Variants in SPTLC1 observed in about 807,000 individuals in gnomAD.
SPTLC1 encodes the protein serine palmitoyltransferase 1.
In SPTLC1, 55 loss-of-function variants were observed where a neutral mutation model predicts 68.9. That is an observed-to-expected ratio of 0.80 (90% CI 0.64 to 1.00). SPTLC1 has a LOEUF of 1.00. SPTLC1 is among the 50% of genes least tolerant of loss of function. The pLI is 0.00. For missense variants in SPTLC1, 449 were observed against 573.1 expected (o/e 0.78, Z 2.21); for synonymous variants, 197 against 201.6 (o/e 0.98, Z 0.19).
chr9:92,068,394 A>G (rs1348311089), intron 5 of SPTLC1, among the ~76,000 whole-genome samples: 1 of 152,250 alleles, frequency 6.6e-6, no homozygotes, highest in Non-Finnish European at 1.5e-5. Context: ...TTCAAGGCCT[A>G]CCAAGTTTCC....
intron 11 of SPTLC1, among the ~76,000 whole-genome samples, chr9:92,046,521 T>C (rs1030442707): frequency 2.6e-5 from 4 of 152,178 alleles, no homozygotes; most frequent in African/African-American, 9.7e-5. Context: ...GAAGCAAGCA[T>C]ATGAATGAGC....
At chr9:92,043,820 G>A (rs1177123788) in intron 12 of SPTLC1, among the ~76,000 whole-genome samples, 1 of 152,130 alleles carries the variant, frequency 6.6e-6, no homozygotes, top group Non-Finnish European at 1.5e-5. Context: ...TATCAGATAG[G>A]CTGTTTCACT....
At position 92,035,382 on chromosome 9, in the gene SPTLC1, A is replaced by C. The variant is rs1400843564; in HGVS notation, c.1255-499T>G. ...CGATGTCCACATGTGGCATCTGGGC[A>C]TGGTGCCACTGGGCACTGCAGAATC... is the stretch of plus-strand genomic sequence containing the variant. On this transcript the variant is annotated intron_variant, in intron 13 of 14. Transcript: ENST00000262554. 3.9e-5 allele frequency among the ~76,000 whole-genome samples: 6 copies of C among 152,358 alleles called. No homozygotes were observed. The East Asian group carries it at 1.2e-3, about 29-fold the overall frequency.
At chr9:92,053,755 T>G (rs1833789888) in intron 8 of SPTLC1, among the ~76,000 whole-genome samples, 1 of 152,186 alleles carries the variant, frequency 6.6e-6, no homozygotes, top group Non-Finnish European at 1.5e-5. Flanking sequence ...TGCTGGGAGC[T>G]AGAGGGAGAA....
At chr9:92,105,225 T>C (rs2118807753) in intron 3 of SPTLC1, 1 of 1,534,138 alleles carries the variant, frequency 6.5e-7, no homozygotes, top group Non-Finnish European at 8.7e-7. Flanking sequence ...CCCCTGCAAC[T>C]GAGGTGGGAG....
At chr9:92,104,344 A>C (rs1047147409) in intron 3 of SPTLC1, 24 of 1,375,328 alleles carry the variant, frequency 1.7e-5, no homozygotes, top group East Asian at 1.1e-4. Flanking sequence ...TGCCCCGGGA[A>C]TCTGGGGCCG....
Position 92,045,988 on chromosome 9 carries a change from A to G in SPTLC1, c.1136+11T>C, listed in dbSNP as rs1833500785. On this transcript the variant is annotated intron_variant, in intron 12 of 14. Transcript: ENST00000262554. ...TAAACTTTATGTTGGTTGAAAATATATAAAACTCACCCTTGTAAAGCTTTA... is the reference window on the plus strand; with the variant it reads ...TAAACTTTATGTTGGTTGAAAATATGTAAAACTCACCCTTGTAAAGCTTTA... The G allele has an allele frequency of 1.9e-6, 3 of 1,611,336 alleles. No individual in the cohort carries two copies. Among genetic ancestry groups the G allele is most frequent in the Non-Finnish European group, 2.5e-6 (3 of 1,177,842 alleles).
At chr9:92,087,489 G>A (rs1274599773) in intron 3 of SPTLC1, among the ~76,000 whole-genome samples, 1 of 152,230 alleles carries the variant, frequency 6.6e-6, no homozygotes, top group Non-Finnish European at 1.5e-5. Flanking sequence ...CAGGTCTGTT[G>A]GAGTTTGCTA....
At chr9:92,079,811 T>C in intron 5 of SPTLC1, 1 of 657,914 alleles carries the variant, frequency 1.5e-6, no homozygotes, top group South Asian at 1.8e-5. Flanking sequence ...GAGCCCACCA[T>C]GCCCGGCTAA....
chr9:92,065,751 ATT>A (rs1022050419), intron 6 of SPTLC1, among the ~76,000 whole-genome samples: 4 of 152,162 alleles, frequency 2.6e-5, no homozygotes, highest in African/African-American at 9.7e-5. Context: ...TTTTTAAACT[ATT>A]TGCCAAAAAT....
In SPTLC1 at chr9:92,031,975, T is replaced by C. The variant is rs115637483; in HGVS notation, c.*490A>G. 1,261 of 284,266 alleles carry C rather than the reference T, an allele frequency of 4.4e-3. 10 individuals carry two copies. The highest frequency in any genetic ancestry group is 0.025 in the African/African-American group (1,134 of 46,182). 17.6% of individuals were successfully genotyped at this position (284,266 alleles called of 1,614,324 possible). ...GCTTCACACAACGAAGACTGGAAAA[T>C]ACGTGGTTTATTTAGATCTTCAATA... On this transcript the variant is annotated 3_prime_UTR_variant, in exon 15 of 15. Coordinates refer to ENST00000262554, the MANE Select transcript of SPTLC1 (RefSeq NM_006415.4).
intron 13 of SPTLC1, among the ~76,000 whole-genome samples, chr9:92,036,214 C>G (rs1202358785): frequency 6.6e-6 from 1 of 152,226 alleles, no homozygotes; most frequent in Non-Finnish European, 1.5e-5. Context: ...TCACTCAACT[C>G]TCAAGAGGAT....
At chr9:92,061,279 A>AG (rs1834090783) in intron 6 of SPTLC1, among the ~76,000 whole-genome samples, 1 of 152,244 alleles carries the variant, frequency 6.6e-6, no homozygotes, top group African/African-American at 2.4e-5. Flanking sequence ...TTATACATAG[A>AG]GAAAAACAAT....
At position 92,115,301 on chromosome 9, in the gene SPTLC1, G is replaced by C. The variant is rs746480091; in HGVS notation, c.57+13C>G. ...CGGGTGTGGTCGCGGACCGCTAATG[G>C]CGCGGAGCCCACCTCGTAAAGCGCC... On this transcript the variant is annotated intron_variant, in intron 1 of 14. Coordinates refer to ENST00000262554, the MANE Select transcript of SPTLC1 (RefSeq NM_006415.4). The C allele has an allele frequency of 2.0e-5, 33 of 1,611,464 alleles. No homozygotes were observed. The African/African-American group carries it at 4.0e-4, about 20-fold the overall frequency.
At chr9:92,082,876 T>C (rs1235637134) in intron 3 of SPTLC1, among the ~76,000 whole-genome samples, 3 of 151,694 alleles carry the variant, frequency 2.0e-5, no homozygotes, top group African/African-American at 7.3e-5. Flanking sequence ...AGTGTTCCTA[T>C]TTCTCCACAT....
rs1833009857 is a variant in SPTLC1 at position 92,032,667 on chromosome 9, G to A, written c.1329-109C>T. The A allele has an allele frequency of 2.1e-6, 3 of 1,411,744 alleles. No individual in the cohort carries two copies. In the Admixed American group the frequency reaches 5.2e-5, roughly 24 times the overall value. The allele number at this position is 1,411,744 out of a possible 1,614,324, so 87.5% of individuals were successfully genotyped here. On this transcript the variant is annotated intron_variant, in intron 14 of 14. Transcript: ENST00000262554. ...CAAGGCAGGTGGATCACGAGGTCAG[G>A]AGATCGAGACCATCCTGGCTAACAC...
intron 3 of SPTLC1, among the ~76,000 whole-genome samples, chr9:92,099,480 CTTTTT>C (rs201801428): frequency 1.4e-5 from 2 of 141,856 alleles, no homozygotes; most frequent in Non-Finnish European, 3.1e-5. Context: ...TTTTACTGTA[CTTTTT>C]TTTTTTTTTT....
rs765970732 is a variant in SPTLC1 at position 92,055,478 on chromosome 9, C to T, written c.707G>A (p.Arg236His). Residue 236 changes from arginine (R) to histidine (H), a missense_variant, in exon 8 of 15, where the codon CGT (arginine) becomes CAT (histidine). Arg to His is a conservative substitution (Grantham distance 29, BLOSUM62 0). This residue lies in a region of SPTLC1 where 391 missense variants were observed against 472.1 expected (regional missense o/e 0.83). Coordinates refer to ENST00000262554, the MANE Select transcript of SPTLC1 (RefSeq NM_006415.4). ...IEDQKNPRKA[R>H]VTRRFIVVEG... is the part of the protein sequence containing the mutation. ...TACTACAATGAAACGCCGAGTTACA[C>T]GAGCCTTGCGAGGATTCTTTAAAAG... The T allele has an allele frequency of 8.1e-6, 13 of 1,613,586 alleles. No individual in the cohort carries two copies. Among genetic ancestry groups the T allele is most frequent in the Admixed American group, 5.0e-5 (3 of 60,026 alleles).
chr9:92,075,743 A>T (rs1834660775), intron 5 of SPTLC1, among the ~76,000 whole-genome samples: 1 of 152,132 alleles, frequency 6.6e-6, no homozygotes, highest in Admixed American at 6.5e-5. Context: ...CATATAAAAC[A>T]TACTCTCGGC....
Sources: allele counts gnomAD v4.1 joint callset (sites outside exome capture counted in the v4.1 genomes callset), GRCh38; gene constraint gnomAD v4.1.1; regional missense constraint gnomAD v4.1.1; transcripts MANE v1.5; gene names NCBI Gene and HGNC (gene_info 2026-07-23, HGNC 2026-07-21).